NUP62CL: variants seen among roughly 807,000 people sequenced by gnomAD.
NUP62CL encodes the protein nucleoporin-62 C-terminal-like protein.
Under a neutral mutation model 15.3 loss-of-function variants are expected in NUP62CL, and 13 were observed. That is an observed-to-expected ratio of 0.85 (90% CI 0.55 to 1.35). The LOEUF (loss-of-function observed/expected upper bound fraction) is 1.35, where lower values mean the gene tolerates loss of function less well. NUP62CL is among the 40% of genes most tolerant of loss of function. The pLI, the probability that NUP62CL is intolerant of heterozygous loss-of-function variation, is 0.00. For missense variants in NUP62CL, 123 were observed against 130.6 expected (o/e 0.94, Z 0.28); for synonymous variants, 54 against 49.2 (o/e 1.10, Z -0.41).
At chrX:107,183,426 G>A (rs1926963303) in intron 2 of NUP62CL, among the ~76,000 whole-genome samples, 1 of 110,360 alleles carries the variant, frequency 9.1e-6, no homozygotes, top group Non-Finnish European at 1.9e-5. Flanking sequence ...ATGAGACCCT[G>A]GCTCTATTGC....
chrX:107,148,609 G>A (rs1925937532), intron 7 of NUP62CL, among the ~76,000 whole-genome samples: 1 of 111,468 alleles, frequency 9.0e-6, no homozygotes, highest in South Asian at 3.8e-4. Flanking sequence ...ATTTTTAGCA[G>A]CATAGCAAAA....
At chrX:107,167,384 T>A (rs1413872010) in intron 4 of NUP62CL, among the ~76,000 whole-genome samples, 1 of 112,080 alleles carries the variant, frequency 8.9e-6, no homozygotes, top group East Asian at 2.8e-4. Flanking sequence ...TTGCTAAACA[T>A]ACACAGATTA....
chrX:107,177,076 TAAAAA>T (rs957706908), intron 2 of NUP62CL, among the ~76,000 whole-genome samples: 1 of 110,790 alleles, frequency 9.0e-6, no homozygotes, highest in African/African-American at 3.3e-5. Flanking sequence ...TTCTAAGAAA[TAAAAA>T]AAATCTACTA....
At chrX:107,197,754 C>T (rs1050582342) in intron 1 of NUP62CL, among the ~76,000 whole-genome samples, 3 of 111,042 alleles carry the variant, frequency 2.7e-5, no homozygotes, top group Non-Finnish European at 5.7e-5. Context: ...ACTGAATTAA[C>T]TAAATGGCTG....
intron 1 of NUP62CL, among the ~76,000 whole-genome samples, chrX:107,204,794 T>G (rs1927601527): frequency 1.2e-5 from 1 of 86,817 alleles, no homozygotes; most frequent in Admixed American, 1.3e-4. Context: ...TTTAAATAAA[T>G]TATTTAAATA....
chrX:107,124,443 A>G (rs1235175908), intron 8 of NUP62CL, 111 bp from the exon 9 acceptor site: 2 of 310,959 alleles, frequency 6.4e-6, no homozygotes, highest in Non-Finnish European at 1.2e-5. Context: ...TAGCAATTTC[A>G]ATAGCTTTAC....
chrX:107,153,618 G>A (rs1602644347), intron 5 of NUP62CL, 115 bp from the exon 6 acceptor site: 2 of 479,686 alleles, frequency 4.2e-6, no homozygotes, highest in East Asian at 8.0e-5. Flanking sequence ...CTTTTATTCA[G>A]GGTACTTATT....
intron 8 of NUP62CL, among the ~76,000 whole-genome samples, chrX:107,142,650 T>G (rs1925800004): frequency 8.9e-6 from 1 of 112,017 alleles, no homozygotes; most frequent in Non-Finnish European, 1.9e-5. Flanking sequence ...TATGGTTTGG[T>G]ATATGAAGAA....
intron 8 of NUP62CL, among the ~76,000 whole-genome samples, chrX:107,135,197 T>C (rs899536338): frequency 3.6e-5 from 4 of 112,466 alleles, no homozygotes; most frequent in Non-Finnish European, 7.5e-5. Context: ...AGGTTAGCAA[T>C]GTGCCTAGCT....
chrX:107,131,668 T>G, intron 8 of NUP62CL: 1 of 625,082 alleles, frequency 1.6e-6, no homozygotes, highest in Non-Finnish European at 2.7e-6. Context: ...ATCTGGAGGA[T>G]GGAGAAGAGG....
chrX:107,145,933 T>G (rs936136902), intron 8 of NUP62CL, among the ~76,000 whole-genome samples: 5 of 111,946 alleles, frequency 4.5e-5, no homozygotes, highest in African/African-American at 1.6e-4. Context: ...AGATTCAAGT[T>G]AAACATTTTG....
At chrX:107,125,893 T>C (rs747054342) in intron 8 of NUP62CL, among the ~76,000 whole-genome samples, 1 of 112,177 alleles carries the variant, frequency 8.9e-6, no homozygotes, top group East Asian at 2.8e-4. Flanking sequence ...TTTTGTCATG[T>C]CTTCTAATTG....
intron 8 of NUP62CL, among the ~76,000 whole-genome samples, chrX:107,124,707 G>A (rs1041426487): frequency 1.8e-5 from 2 of 110,835 alleles, no homozygotes; most frequent in African/African-American, 6.6e-5. Context: ...GCAAATGAGC[G>A]CACTGAGTAT....
At chrX:107,126,947 T>G (rs1218500673) in intron 8 of NUP62CL, among the ~76,000 whole-genome samples, 2 of 110,072 alleles carry the variant, frequency 1.8e-5, no homozygotes, top group African/African-American at 6.6e-5. Flanking sequence ...GGCAGGAGAA[T>G]CGCTTGAACC....
chrX:107,206,399 G>A lies in NUP62CL; in HGVS notation c.-218C>T, dbSNP rs939839563. The A allele has an allele frequency of 9.1e-6, 1 of 110,232 alleles. No homozygotes were observed. Among genetic ancestry groups the A allele is most frequent in the African/African-American group, 3.3e-5 (1 of 30,193 alleles). 9.1% of individuals were successfully genotyped at this position (110,232 alleles called of 1,213,427 possible). The stretch of plus-strand genomic sequence containing the variant: ...CCGGAAAGAATCGGCCTCCTTAGTG[G>A]GCAGGTTCCCGCTGAAGTGAAGCTA... On this transcript the variant is annotated 5_prime_UTR_variant, in exon 1 of 9. Transcript: ENST00000372466.
chrX:107,154,272 A>T (rs199670788), intron 4 of NUP62CL, 26 bp from the exon 5 acceptor site: 43 of 1,127,518 alleles, frequency 3.8e-5, no homozygotes, highest in Non-Finnish European at 4.3e-5. Context: ...ATGCAGGATG[A>T]TCCAATAATC....
intron 1 of NUP62CL, among the ~76,000 whole-genome samples, chrX:107,194,811 CTTT>C (rs1174813324): frequency 0.045 from 2,079 of 45,810 alleles, 51 homozygotes; most frequent in African/African-American, 0.18. Context: ...TTCTTTCTCT[CTTT>C]TTTTTTTTTT....
rs757701133 is a variant in NUP62CL, at chrX:107,167,691, G to C, written c.152C>G (p.Ser51Ter). The C allele has an allele frequency of 1.7e-6, 2 of 1,209,327 alleles. No individual in the cohort carries two copies. The highest frequency in any genetic ancestry group is 1.1e-6 in the Non-Finnish European group (1 of 893,725). The change falls in exon 4 of 9, where the codon TCA (serine) becomes TGA (stop). Residue 51 changes from serine (S) to a stop codon, truncating the protein, a stop_gained. Coordinates refer to ENST00000372466, the MANE Select transcript of NUP62CL (RefSeq NM_017681.3). LOFTEE classifies it high-confidence loss of function. ...GFTVNQNQLL[S>*]RGFENLVPYT... ...AGGTACAAGGTTTTCAAACCCTCTTGATAACAGTTGGTTTTGGTTCACAGT... is the reference window on the plus strand; with the variant it reads ...AGGTACAAGGTTTTCAAACCCTCTTCATAACAGTTGGTTTTGGTTCACAGT...
chrX:107,201,004 T>C (rs1278078369), intron 1 of NUP62CL, among the ~76,000 whole-genome samples: 2 of 111,367 alleles, frequency 1.8e-5, no homozygotes, highest in African/African-American at 6.5e-5. Flanking sequence ...AAAGTTGTCA[T>C]ATAAAGATCT....
Sources: gnomAD v4.1 joint callset for allele counts (sites outside exome capture counted in the v4.1 genomes callset) on GRCh38, gnomAD v4.1.1 for gene constraint, MANE v1.5 for transcripts, NCBI Gene and HGNC (gene_info 2026-07-23, HGNC 2026-07-21) for gene names.